USP54: variants seen among roughly 807,000 people sequenced by gnomAD.
The protein encoded by USP54 is ubiquitin specific peptidase 54, also known as ubiquitin carboxyl-terminal hydrolase 54.
USP54 carries 87 observed loss-of-function variants against 170.5 expected under a neutral mutation model. The observed-to-expected ratio is 0.51, with a 90% CI of 0.43 to 0.61. The LOEUF (loss-of-function observed/expected upper bound fraction) is 0.61. USP54 is among the 20% of genes least tolerant of loss of function. The probability of loss-of-function intolerance (pLI) is 0.00; values close to 1 mark genes in which losing one functional copy is unlikely to be tolerated. For missense variants in USP54, 1,786 were observed against 2,047.8 expected (o/e 0.87, Z 2.47); for synonymous variants, 655 against 742.8 (o/e 0.88, Z 1.92).
intron 4 of USP54, among the ~76,000 whole-genome samples, chr10:73,547,320 G>A (rs183202023): frequency 6.6e-6 from 1 of 152,096 alleles, no homozygotes; most frequent in African/African-American, 2.4e-5. Context: ...AGAATCACTT[G>A]AACCCGGGAG....
chr10:73,530,844 A>C lies in USP54; in HGVS notation c.1316-9T>G. 1 of 1,613,718 alleles carries C rather than the reference A, an allele frequency of 6.2e-7. No homozygotes were observed. The highest frequency in any genetic ancestry group is 8.5e-7 in the Non-Finnish European group (1 of 1,179,762). On this transcript the variant is annotated splice_polypyrimidine_tract_variant and intron_variant, in intron 12 of 23. Transcript: ENST00000687698. ...ACTATCAGTCAGGTGTCCTGAAAAA[A>C]CAAGGAAATTGGGGTAAGCTGGTAT...
chr10:73,533,509 A>G (rs1423889707), intron 12 of USP54, among the ~76,000 whole-genome samples: 1 of 151,786 alleles, frequency 6.6e-6, no homozygotes, highest in East Asian at 1.9e-4. Context: ...TGGGCAGTAC[A>G]CTATTCTATA....
chr10:73,589,113 T>C (rs905202480), intron 1 of USP54, among the ~76,000 whole-genome samples: 1 of 152,230 alleles, frequency 6.6e-6, no homozygotes, highest in Non-Finnish European at 1.5e-5. Context: ...GAAAGTTACA[T>C]TGCCTTACAC....
intron 17 of USP54, 69 bp downstream of exon 17, chr10:73,523,514 G>GGAA: frequency 6.9e-7 from 1 of 1,457,290 alleles, no homozygotes; most frequent in Non-Finnish European, 9.2e-7. Flanking sequence ...GAACTTACAA[G>GGAA]CTTAGATGTT....
intron 4 of USP54, among the ~76,000 whole-genome samples, chr10:73,567,216 T>C (rs2074052508): frequency 2.0e-5 from 3 of 152,340 alleles, no homozygotes; most frequent in African/African-American, 4.8e-5. Context: ...GAAGAGTTAC[T>C]GCAAGGGTGT....
At chr10:73,564,024 C>A (rs2073739128) in intron 4 of USP54, among the ~76,000 whole-genome samples, 1 of 151,530 alleles carries the variant, frequency 6.6e-6, no homozygotes, top group Non-Finnish European at 1.5e-5. Context: ...AACACTGAGA[C>A]AGAGTCTCAC....
Position 73,517,346 on chromosome 10 carries a change from TG to T in USP54, c.3079del (p.Gln1027LysfsTer12). On this transcript the variant is annotated frameshift_variant, in exon 20 of 24. Coordinates refer to ENST00000687698, the MANE Select transcript of USP54 (RefSeq NM_001391956.1). LOFTEE classifies it high-confidence loss of function. Reference protein sequence around the residue: ...GRGIAQEQLFQEKKDPANPSP... With the variant: ...GRGIAQEQLFXEKKDPANPSP... ...GGGGTTAGCAGGATCCTTCTTTTCT[TG>T]GAACAGCTGTTCTTGAGCAATGCCT... 6.2e-7 allele frequency: 1 copy of T among 1,612,114 alleles called. No homozygotes were observed. The highest frequency in any genetic ancestry group is 8.5e-7 in the Non-Finnish European group (1 of 1,179,108).
At chr10:73,512,777 C>T (rs1479119265) in intron 20 of USP54, among the ~76,000 whole-genome samples, 1 of 152,088 alleles carries the variant, frequency 6.6e-6, no homozygotes, top group Admixed American at 6.6e-5. Flanking sequence ...AATTAATGGT[C>T]AGTAAGTACT....
chr10:73,501,096 G>A (rs905991008), intron 22 of USP54, among the ~76,000 whole-genome samples: 12 of 152,182 alleles, frequency 7.9e-5, no homozygotes, highest in Non-Finnish European at 1.6e-4. Context: ...CTATCATTCA[G>A]GTCTTTAGCA....
At chr10:73,538,054 A>C (rs1250186290) in intron 10 of USP54, 6 of 152,004 alleles carry the variant, frequency 3.9e-5, no homozygotes, top group African/African-American at 1.5e-4. Context: ...AAAATACAAA[A>C]ATCAGCCAGG....
intron 12 of USP54, among the ~76,000 whole-genome samples, chr10:73,533,931 G>A (rs969719151): frequency 1.3e-5 from 2 of 152,212 alleles, no homozygotes; most frequent in African/African-American, 4.8e-5. Context: ...ACAAAGCCTG[G>A]CATGAGAACA....
intron 1 of USP54, among the ~76,000 whole-genome samples, chr10:73,611,072 A>C (rs961331247): frequency 2.0e-5 from 3 of 152,326 alleles, no homozygotes; most frequent in Middle Eastern, 3.4e-3. Context: ...TGAGTTTTTT[A>C]AAAAACATTT....
intron 1 of USP54, among the ~76,000 whole-genome samples, chr10:73,602,145 T>G (rs1162982863): frequency 6.6e-6 from 1 of 152,250 alleles, no homozygotes; most frequent in Admixed American, 6.5e-5. Context: ...CAACTCAGGT[T>G]TGCCCTCAGT....
intron 1 of USP54, among the ~76,000 whole-genome samples, chr10:73,617,941 TG>T (rs2080777292): frequency 6.7e-6 from 1 of 150,160 alleles, no homozygotes; most frequent in Non-Finnish European, 1.5e-5. Flanking sequence ...AATAAGGCAG[TG>T]GTTCACACCT....
chr10:73,516,762 C>T lies in USP54; in HGVS notation c.3664G>A (p.Gly1222Arg), dbSNP rs761346782. ...SGLPNGETSS[G>R]GQPRLAEPDI... Reference sequence around the variant, plus strand: ...GGCTCTGCCAACCTGGGCTGTCCTCCGCTAGAAGTTTCACCATTAGGCAGC... The same window carrying T: ...GGCTCTGCCAACCTGGGCTGTCCTCTGCTAGAAGTTTCACCATTAGGCAGC... The change falls in exon 20 of 24, where the codon GGA becomes AGA. Residue 1222 changes from glycine to arginine, a missense_variant. Gly to Arg is a moderately radical substitution (Grantham distance 125, BLOSUM62 -2). Around this residue, in one of 3 missense-constraint regions of USP54, gnomAD observed 1,418 missense variants for 1,569.0 expected, o/e 0.90. Coordinates refer to ENST00000687698, the MANE Select transcript of USP54 (RefSeq NM_001391956.1). 8.7e-6 allele frequency: 14 copies of T among 1,614,000 alleles called. No homozygotes were observed. Among genetic ancestry groups the T allele is most frequent in the South Asian group, 4.4e-5 (4 of 91,086 alleles).
Position 73,530,732 on chromosome 10 carries a change from C to T in USP54, c.1419G>A (p.Glu473=), listed in dbSNP as rs774366875. 25 of 1,614,038 alleles carry T rather than the reference C, an allele frequency of 1.5e-5. No individual in the cohort carries two copies. Among genetic ancestry groups the T allele is most frequent in the Admixed American group, 1.3e-4 (8 of 59,988 alleles). The part of the protein sequence containing the change: ...SSGRVRRKGD[E]PQASGYHSEG... The stretch of plus-strand genomic sequence containing the variant: ...CACTGTGGTATCCCGAGGCCTGGGG[C>T]TCATCGCCTTTCCTCCTAACCCGAC... The change falls in exon 13 of 24, where the codon GAG becomes GAA. Residue 473 remains glutamate (E), a synonymous_variant. Coordinates refer to ENST00000687698, the MANE Select transcript of USP54 (RefSeq NM_001391956.1).
chr10:73,563,491 G>A (rs966203876), intron 4 of USP54, among the ~76,000 whole-genome samples: 2 of 151,986 alleles, frequency 1.3e-5, no homozygotes, highest in Non-Finnish European at 1.5e-5. Flanking sequence ...AGGCTGGAGT[G>A]TAATGGCACG....
intron 23 of USP54, among the ~76,000 whole-genome samples, chr10:73,500,350 A>G (rs949187769): frequency 3.9e-5 from 6 of 152,240 alleles, no homozygotes; most frequent in Non-Finnish European, 8.8e-5. Context: ...GGGATGTCCC[A>G]AAGACTGGGT....
chr10:73,613,618 G>A (rs1011610049), intron 1 of USP54, among the ~76,000 whole-genome samples: 2 of 152,082 alleles, frequency 1.3e-5, no homozygotes, highest in African/African-American at 2.4e-5. Context: ...TGGGCGTGGT[G>A]GCTCACACCA....
Sources: allele counts gnomAD v4.1 joint callset (sites outside exome capture counted in the v4.1 genomes callset), GRCh38; gene constraint gnomAD v4.1.1; regional missense constraint gnomAD v4.1.1; transcripts MANE v1.5; gene names NCBI Gene and HGNC (gene_info 2026-07-23, HGNC 2026-07-21).